The following MRPL18 variants were observed in gnomAD, a reference collection of about 807,000 sequenced individuals.
MRPL18 encodes the protein mitochondrial ribosomal protein L18.
A neutral mutation model predicts 20.9 loss-of-function variants in MRPL18; 16 were observed. That is an observed-to-expected ratio of 0.76 (90% confidence interval 0.52 to 1.16). MRPL18 has a LOEUF of 1.16. Among genes scored for constraint, MRPL18 ranks in the 50% most tolerant of loss-of-function variants. The pLI, the probability that MRPL18 is intolerant of heterozygous loss-of-function variation, is 0.00. For synonymous variants in MRPL18, 91 were observed against 87.1 expected (o/e 1.04, Z -0.25); for missense variants, 233 against 230.6 (o/e 1.01, Z -0.07).
Position 159,798,061 on chromosome 6 carries a change from C to T in MRPL18, c.481C>T (p.Leu161=), listed in dbSNP as rs1180798804. 1.9e-6 allele frequency: 3 copies of T among 1,613,436 alleles called. No individual in the cohort carries two copies. In the South Asian group the frequency reaches 3.3e-5, roughly 18 times the overall value. ...WEAASDSMKR[L]QSAMTEGGVV... is the part of the protein sequence containing the mutation. Reference sequence around the variant, plus strand: ...TGATTTTCAAAACCAGATGAAACGACTACAAAGTGCCATGACAGAAGGTGG... The same window carrying T: ...TGATTTTCAAAACCAGATGAAACGATTACAAAGTGCCATGACAGAAGGTGG... Residue 161 remains leucine (L), a synonymous_variant, in exon 4 of 4, where the codon CTA becomes TTA. Transcript: ENST00000367034.
chr6:159,797,299 A>G lies in MRPL18; in HGVS notation c.252A>G (p.Ile84Met), dbSNP rs143875200. 3.7e-6 allele frequency: 6 copies of G among 1,614,156 alleles called. No individual in the cohort carries two copies. Among genetic ancestry groups the G allele is most frequent in the Non-Finnish European group, 5.1e-6 (6 of 1,180,002 alleles). The stretch of plus-strand genomic sequence containing the variant: ...TCACCCCATTTAGGTTGCGAGTTAT[A>G]AGGACTCAGCATCATGTAGAAGCAC... ...SREFWHRLRV[I>M]RTQHHVEALV... Residue 84 changes from isoleucine to methionine, a missense_variant, in exon 3 of 4, where the codon ATA (isoleucine) becomes ATG (methionine). Transcript: ENST00000367034.
Position 159,793,952 on chromosome 6 carries a change from C to T in MRPL18, c.239+2826C>T, listed in dbSNP as rs77444540. Among the ~76,000 whole-genome samples the T allele has an allele frequency of 6.9e-3, 1,051 of 152,232 alleles. 5 individuals carry two copies. Among genetic ancestry groups the T allele is most frequent in the Non-Finnish European group, 0.011 (736 of 68,018 alleles). On this transcript the variant is annotated intron_variant, in intron 2 of 3. Transcript: ENST00000367034. ...GATTGTGATTTTTTACTAGAGCCAC[C>T]AGGAAAACCAGGAGTAGACTCCATA... is the stretch of plus-strand genomic sequence containing the variant.
At chr6:159,792,953 A>G (rs1780937738) in intron 2 of MRPL18, among the ~76,000 whole-genome samples, 1 of 150,202 alleles carries the variant, frequency 6.7e-6, no homozygotes, top group African/African-American at 2.4e-5. Context: ...GCAGGCACAC[A>G]CTACCATGGC....
chr6:159,792,884 A>G (rs1280604264), intron 2 of MRPL18, among the ~76,000 whole-genome samples: 3 of 151,876 alleles, frequency 2.0e-5, no homozygotes, highest in Non-Finnish European at 2.9e-5. Context: ...GCTGGCTGCA[A>G]CCTCTGCCTC....
chr6:159,793,510 A>G (rs1562489437), intron 2 of MRPL18, among the ~76,000 whole-genome samples: 1 of 152,214 alleles, frequency 6.6e-6, no homozygotes, highest in Non-Finnish European at 1.5e-5. Context: ...TAGCACTACA[A>G]TGGCTGAGTC....
chr6:159,792,396 A>G (rs1780923697), intron 2 of MRPL18, among the ~76,000 whole-genome samples: 1 of 152,230 alleles, frequency 6.6e-6, no homozygotes, highest in Non-Finnish European at 1.5e-5. Flanking sequence ...TCATACCTGT[A>G]TCACTTGCTA....
chr6:159,796,855 A>G (rs1781041077), intron 2 of MRPL18, among the ~76,000 whole-genome samples: 1 of 152,116 alleles, frequency 6.6e-6, no homozygotes, highest in African/African-American at 2.4e-5. Context: ...TTATAAAAAA[A>G]TTTCTCATGT....
chr6:159,791,371 C>T (rs910639159), intron 2 of MRPL18, among the ~76,000 whole-genome samples: 4 of 152,118 alleles, frequency 2.6e-5, no homozygotes, highest in African/African-American at 9.7e-5. Flanking sequence ...GAGGAAGAAG[C>T]CTAGTCATCT....
intron 2 of MRPL18, among the ~76,000 whole-genome samples, chr6:159,793,681 G>T (rs906604773): frequency 6.6e-6 from 1 of 152,110 alleles, no homozygotes; most frequent in Non-Finnish European, 1.5e-5. Flanking sequence ...AGGTCGAGGC[G>T]GGCGGATCAC....
At chr6:159,790,912 G>T (rs1350167571) in intron 1 of MRPL18, 28 bp from the exon 2 acceptor site, 3 of 1,612,670 alleles carry the variant, frequency 1.9e-6, no homozygotes, top group African/African-American at 1.3e-5. Flanking sequence ...TCATTTTTAA[G>T]CCCTGTGCGG....
intron 2 of MRPL18, among the ~76,000 whole-genome samples, chr6:159,793,664 C>T (rs1780961955): frequency 6.6e-6 from 1 of 152,174 alleles, no homozygotes; most frequent in East Asian, 1.9e-4. Flanking sequence ...AATCCCAGCA[C>T]TTTGGGAGGT....
At chr6:159,795,122 C>T (rs1267469028) in intron 2 of MRPL18, among the ~76,000 whole-genome samples, 1 of 152,250 alleles carries the variant, frequency 6.6e-6, no homozygotes, top group African/African-American at 2.4e-5. Flanking sequence ...AGCCCTAAGG[C>T]GGTTTTTCCC....
In MRPL18 at chr6:159,791,236, G is replaced by A. The variant is rs4709371; in HGVS notation, c.239+110G>A. 0.23 allele frequency: 301,555 copies of A among 1,339,726 alleles called. 35,048 individuals are homozygous for A. Among genetic ancestry groups the A allele is most frequent in the East Asian group, 0.38 (16,097 of 42,100 alleles). The allele number at this position is 1,339,726 out of a possible 1,614,324, so 83.0% of individuals were successfully genotyped here. A position where few individuals can be genotyped will look rare whatever the true frequency, so the allele number is the denominator to read the frequency against. On this transcript the variant is annotated intron_variant, in intron 2 of 3. Transcript: ENST00000367034. ...AGCTGCCATGCGGCGGGTAGAGGCAGGGTTCGCGGAGGGGCTGGAACAAAC... is the reference window on the plus strand; with the variant it reads ...AGCTGCCATGCGGCGGGTAGAGGCAAGGTTCGCGGAGGGGCTGGAACAAAC...
chr6:159,798,060 A>G lies in MRPL18; in HGVS notation c.480A>G (p.Arg160=), dbSNP rs767816165. 34 of 1,613,400 alleles carry G rather than the reference A, an allele frequency of 2.1e-5. No homozygotes were observed. The Admixed American group carries it at 2.5e-4, about 12-fold the overall frequency. Residue 160 remains arginine, a synonymous_variant, in exon 4 of 4, where the codon CGA becomes CGG. Coordinates refer to ENST00000367034, the MANE Select transcript of MRPL18 (RefSeq NM_014161.5). ...CTGATTTTCAAAACCAGATGAAACG[A>G]CTACAAAGTGCCATGACAGAAGGTG... ...PWEAASDSMK[R]LQSAMTEGGV...
chr6:159,792,995 T>G (rs1175821496), intron 2 of MRPL18, among the ~76,000 whole-genome samples: 2 of 151,746 alleles, frequency 1.3e-5, no homozygotes, highest in African/African-American at 4.8e-5. Context: ...TTTTTTTTTT[T>G]TTCTGGTATT....
chr6:159,793,669 G>T (rs1389085885), intron 2 of MRPL18, among the ~76,000 whole-genome samples: 2 of 152,172 alleles, frequency 1.3e-5, no homozygotes, highest in African/African-American at 4.8e-5. Context: ...CAGCACTTTG[G>T]GAGGTCGAGG....
chr6:159,791,148 T>C (rs141236245), intron 2 of MRPL18, 22 bp downstream of exon 2: 2 of 1,613,558 alleles, frequency 1.2e-6, no homozygotes, highest in Non-Finnish European at 1.7e-6. Flanking sequence ...TGCTTGTGAT[T>C]GACAAGGGCA....
rs1288349837 is a variant in MRPL18, at chr6:159,798,291, A to T, written c.*168A>T. The T allele has an allele frequency of 5.6e-6, 3 of 537,690 alleles. No individual in the cohort carries two copies. Among genetic ancestry groups the T allele is most frequent in the African/African-American group, 2.0e-5 (1 of 51,002 alleles). The allele number at this position is 537,690 out of a possible 1,614,324, so 33.3% of individuals were successfully genotyped here. A position where few individuals can be genotyped will look rare whatever the true frequency, so the allele number is the denominator to read the frequency against. On this transcript the variant is annotated 3_prime_UTR_variant, in exon 4 of 4. Coordinates refer to ENST00000367034, the MANE Select transcript of MRPL18 (RefSeq NM_014161.5). Reference sequence around the variant, plus strand: ...ATCCTCCTCCCCTTTCTGTTTTTTTAAATCAAGAACTACGTTCTGCCCCTC... The same window carrying T: ...ATCCTCCTCCCCTTTCTGTTTTTTTTAATCAAGAACTACGTTCTGCCCCTC...
At position 159,793,054 on chromosome 6, in the gene MRPL18, T is replaced by G. The variant is rs1780942232; in HGVS notation, c.239+1928T>G. ...GCTGCCCAGGCTGGTCTCGAGCTCTTGAGCTCGAGAGATCTGCCTGATTCA... is the reference window on the plus strand; with the variant it reads ...GCTGCCCAGGCTGGTCTCGAGCTCTGGAGCTCGAGAGATCTGCCTGATTCA... On this transcript the variant is annotated intron_variant, in intron 2 of 3. Transcript: ENST00000367034. Among the ~76,000 whole-genome samples, 4 of 152,096 alleles carry G rather than the reference T, an allele frequency of 2.6e-5. No individual in the cohort carries two copies. In the South Asian group the frequency reaches 8.3e-4, roughly 32 times the overall value.
Sources: allele counts gnomAD v4.1 joint callset (sites outside exome capture counted in the v4.1 genomes callset), GRCh38; gene constraint gnomAD v4.1.1; transcripts MANE v1.5; gene names NCBI Gene and HGNC (gene_info 2026-07-23, HGNC 2026-07-21).